Variants in MT3 observed in about 807,000 individuals in gnomAD.
MT3 encodes the protein metallothionein-3.
In MT3, 8 loss-of-function variants were observed where a neutral mutation model predicts 10.9. The observed-to-expected ratio is 0.73, with a 90% CI of 0.43 to 1.33. The LOEUF (loss-of-function observed/expected upper bound fraction) is 1.33, where lower values mean the gene tolerates loss of function less well. Ranked by LOEUF, MT3 falls within the 40% of genes most tolerant of loss-of-function variation. The pLI is 0.01. For synonymous variants in MT3, 32 were observed against 29.9 expected (o/e 1.07, Z -0.23); for missense variants, 75 against 83.9 (o/e 0.89, Z 0.41).
intron 2 of MT3, 119 bp from the exon 3 acceptor site, chr16:56,590,721 A>T: frequency 1.0e-6 from 1 of 959,102 alleles, no homozygotes; most frequent in Non-Finnish European, 1.6e-6. Flanking sequence ...GGGGGCTGCG[A>T]CTAGCCCTGG....
chr16:56,590,719 C>A, intron 2 of MT3, 121 bp from the exon 3 acceptor site: 2 of 925,648 alleles, frequency 2.2e-6, no homozygotes, highest in Non-Finnish European at 3.3e-6. Flanking sequence ...AAGGGGGCTG[C>A]GACTAGCCCT....
intron 2 of MT3, 115 bp from the exon 3 acceptor site, chr16:56,590,725 G>T: frequency 1.0e-6 from 1 of 998,882 alleles, no homozygotes; most frequent in Middle Eastern, 2.1e-4. Flanking sequence ...GCTGCGACTA[G>T]CCCTGGCTGA....
rs1042504797 is a variant in MT3, at chr16:56,591,044, C to T, written c.*95C>T. ...GAAGTGTGGCTGGTGTCCCCTTCCC[C>T]TGCTGACCTTGGAGGAATGACAATA... On this transcript the variant is annotated 3_prime_UTR_variant, in exon 3 of 3. Transcript: ENST00000200691. The T allele has an allele frequency of 4.0e-6, 4 of 989,456 alleles. No homozygotes were observed. Among genetic ancestry groups the T allele is most frequent in the Non-Finnish European group, 6.2e-6 (4 of 640,168 alleles). 61.3% of individuals were successfully genotyped at this position (989,456 alleles called of 1,614,324 possible).
In MT3 at chr16:56,590,963, C is replaced by A; in HGVS notation, c.*14C>A. On this transcript the variant is annotated 3_prime_UTR_variant, in exon 3 of 3. Transcript: ENST00000200691. ...TGCTGCCAGTGAGAAGGCACCCCTC[C>A]GTGTGGAGCACGTGGAGATAGTGCC... is the stretch of plus-strand genomic sequence containing the variant. 6.2e-7 allele frequency: 1 copy of A among 1,608,534 alleles called. No homozygotes were observed. The highest frequency in any genetic ancestry group is 8.5e-7 in the Non-Finnish European group (1 of 1,177,076).
At chr16:56,589,758 G>T (rs1400164048) in intron 1 of MT3, 112 bp from the exon 2 acceptor site, 7 of 1,574,050 alleles carry the variant, frequency 4.4e-6, no homozygotes, top group Non-Finnish European at 6.1e-6. Context: ...GTGAAGGGCG[G>T]GCATGCCTGT....
Position 56,589,569 on chromosome 16 carries a change from T to A in MT3, c.-22T>A. On this transcript the variant is annotated 5_prime_UTR_variant, in exon 1 of 3. Coordinates refer to ENST00000200691, the MANE Select transcript of MT3 (RefSeq NM_005954.4). ...TGCTTGGAGAAGCCCGTTCACCGCCTCCAGCTGCTGCTCTCCTCGACATGG... is the reference window on the plus strand; with the variant it reads ...TGCTTGGAGAAGCCCGTTCACCGCCACCAGCTGCTGCTCTCCTCGACATGG... 1.9e-6 allele frequency: 3 copies of A among 1,557,452 alleles called. No homozygotes were observed. Among genetic ancestry groups the A allele is most frequent in the South Asian group, 1.2e-5 (1 of 83,998 alleles).
chr16:56,589,757 G>T, intron 1 of MT3, 113 bp from the exon 2 acceptor site: 1 of 1,563,136 alleles, frequency 6.4e-7, no homozygotes, highest in East Asian at 2.3e-5. Flanking sequence ...CGTGAAGGGC[G>T]GGCATGCCTG....
intron 1 of MT3, 116 bp from the exon 2 acceptor site, chr16:56,589,754 G>A (rs1411678711): frequency 1.3e-6 from 2 of 1,565,882 alleles, no homozygotes; most frequent in Admixed American, 3.4e-5. Context: ...CCTCGTGAAG[G>A]GCGGGCATGC....
chr16:56,590,720 G>A (rs138997268), intron 2 of MT3, 120 bp from the exon 3 acceptor site: 82 of 944,478 alleles, frequency 8.7e-5, no homozygotes, highest in African/African-American at 7.6e-4. Flanking sequence ...AGGGGGCTGC[G>A]ACTAGCCCTG....
intron 1 of MT3, 49 bp downstream of exon 1, chr16:56,589,670 C>G: frequency 2.5e-6 from 4 of 1,605,278 alleles, no homozygotes; most frequent in Non-Finnish European, 3.4e-6. Flanking sequence ...GCCCTTGTAC[C>G]TGCAAAGAAA....
chr16:56,590,366 T>C (rs1959808518), intron 2 of MT3: 1 of 540,042 alleles, frequency 1.9e-6, no homozygotes, highest in Admixed American at 3.3e-5. Context: ...GTAATATGCA[T>C]AGGGAGTAAG....
In MT3 at chr16:56,590,994, G is replaced by T. The variant is rs1427555205; in HGVS notation, c.*45G>T. ...GAGCACGTGGAGATAGTGCCAGGTG[G>T]CTCAGTGCCACCTATGCCTGTGGTG... is the stretch of plus-strand genomic sequence containing the variant. On this transcript the variant is annotated 3_prime_UTR_variant, in exon 3 of 3. Coordinates refer to ENST00000200691, the MANE Select transcript of MT3 (RefSeq NM_005954.4). 3.2e-6 allele frequency: 5 copies of T among 1,539,838 alleles called. No homozygotes were observed. The highest frequency in any genetic ancestry group is 2.7e-6 in the Non-Finnish European group (3 of 1,122,228).
At chr16:56,589,725 C>G (rs765035812) in intron 1 of MT3, 104 bp downstream of exon 1, 1 of 1,587,306 alleles carries the variant, frequency 6.3e-7, no homozygotes, top group South Asian at 1.1e-5. Context: ...GGGAAGGGCC[C>G]CTGATTCCCT....
In MT3 at chr16:56,590,967, T is replaced by G; in HGVS notation, c.*18T>G. ...GCCAGTGAGAAGGCACCCCTCCGTG[T>G]GGAGCACGTGGAGATAGTGCCAGGT... On this transcript the variant is annotated 3_prime_UTR_variant, in exon 3 of 3. Coordinates refer to ENST00000200691, the MANE Select transcript of MT3 (RefSeq NM_005954.4). The G allele has an allele frequency of 6.2e-7, 1 of 1,603,668 alleles. No homozygotes were observed. The highest frequency in any genetic ancestry group is 1.3e-5 in the African/African-American group (1 of 74,840).
intron 2 of MT3, 54 bp from the exon 3 acceptor site, chr16:56,590,786 G>A: frequency 6.4e-7 from 1 of 1,558,012 alleles, no homozygotes; most frequent in Non-Finnish European, 8.7e-7. Flanking sequence ...CTTTGATGGG[G>A]ACGAATTGGG....
Position 56,589,634 on chromosome 16 carries a change from C to T in MT3, c.31+13C>T. The T allele has an allele frequency of 6.2e-7, 1 of 1,605,694 alleles. No homozygotes were observed. The highest frequency in any genetic ancestry group is 8.5e-7 in the Non-Finnish European group (1 of 1,179,796). ...CCCTGCCCTTCTGGTGAGCCCCCGCCCCCGCTCGCATCCTGCGCACTGCGC... is the reference window on the plus strand; with the variant it reads ...CCCTGCCCTTCTGGTGAGCCCCCGCTCCCGCTCGCATCCTGCGCACTGCGC... On this transcript the variant is annotated intron_variant, in intron 1 of 2. Transcript: ENST00000200691.
In MT3 at chr16:56,589,555, G is replaced by T. The variant is rs1351128675; in HGVS notation, c.-36G>T. On this transcript the variant is annotated 5_prime_UTR_variant, in exon 1 of 3. Transcript: ENST00000200691. ...GCCGCGCGTCCAGTTGCTTGGAGAAGCCCGTTCACCGCCTCCAGCTGCTGC... is the reference window on the plus strand; with the variant it reads ...GCCGCGCGTCCAGTTGCTTGGAGAATCCCGTTCACCGCCTCCAGCTGCTGC... 2.6e-6 allele frequency: 4 copies of T among 1,544,656 alleles called. No individual in the cohort carries two copies. Among genetic ancestry groups the T allele is most frequent in the Non-Finnish European group, 3.5e-6 (4 of 1,148,240 alleles).
rs1419323015 is a variant in MT3 at position 56,589,605 on chromosome 16, C to G, written c.15C>G (p.Thr5=). 1.2e-6 allele frequency: 2 copies of G among 1,600,760 alleles called. No individual in the cohort carries two copies. Among genetic ancestry groups the G allele is most frequent in the Admixed American group, 1.7e-5 (1 of 59,260 alleles). The part of the protein sequence containing the change: MDPE[T]CPCPSGGSCT... Reference sequence around the variant, plus strand: ...CTCTCCTCGACATGGACCCTGAGACCTGCCCCTGCCCTTCTGGTGAGCCCC... The same window carrying G: ...CTCTCCTCGACATGGACCCTGAGACGTGCCCCTGCCCTTCTGGTGAGCCCC... Residue 5 remains threonine (T), a synonymous_variant, in exon 1 of 3, where the codon ACC becomes ACG. Transcript: ENST00000200691.
chr16:56,589,962 C>T (rs1235119388), intron 2 of MT3, 27 bp downstream of exon 2: 3 of 1,611,428 alleles, frequency 1.9e-6, no homozygotes, highest in East Asian at 4.5e-5. Context: ...TTCCCCTCTG[C>T]CGCCGCCCCC....
Sources: allele counts gnomAD v4.1 joint callset, GRCh38; gene constraint gnomAD v4.1.1; transcripts MANE v1.5; gene names NCBI Gene and HGNC (gene_info 2026-07-23, HGNC 2026-07-21).